OLFM3: variants seen among roughly 807,000 people sequenced by gnomAD.
The protein encoded by OLFM3 is olfactomedin 3.
A neutral mutation model predicts 48.6 loss-of-function variants in OLFM3; 20 were observed. That is an observed-to-expected ratio of 0.41 (90% CI 0.29 to 0.60). The LOEUF is 0.60. Ranked by LOEUF, OLFM3 falls within the 20% of genes least tolerant of loss-of-function variation. The pLI is 0.28. For synonymous variants in OLFM3, 222 were observed against 198.1 expected, an observed-to-expected ratio of 1.12 and a Z score of -1.01; for missense variants, 437 against 544.3, an observed-to-expected ratio of 0.80 and a Z score of 1.96.
intron 1 of OLFM3, among the ~76,000 whole-genome samples, chr1:101,994,567 AT>A: frequency 6.7e-6 from 1 of 148,986 alleles, no homozygotes; most frequent in Non-Finnish European, 1.5e-5. Flanking sequence ...GCCATCTGTA[AT>A]TTTTTGGGGG....
intron 1 of OLFM3, among the ~76,000 whole-genome samples, chr1:101,876,947 C>A (rs552453538): frequency 6.6e-6 from 1 of 151,964 alleles, no homozygotes; most frequent in Admixed American, 6.6e-5. Flanking sequence ...AGGTGTCTGA[C>A]TTGGGTTATA....
At chr1:101,879,842 C>A (rs940354768) in intron 1 of OLFM3, among the ~76,000 whole-genome samples, 8 of 151,640 alleles carry the variant, frequency 5.3e-5, no homozygotes, top group African/African-American at 1.9e-4. Context: ...CTGTAAGAGG[C>A]CAAATAACAC....
intron 1 of OLFM3, among the ~76,000 whole-genome samples, chr1:101,903,677 T>G (rs1658461919): frequency 6.6e-6 from 1 of 152,096 alleles, no homozygotes; most frequent in African/African-American, 2.4e-5. Context: ...AATCTATGTT[T>G]CCTGCATGTC....
intron 1 of OLFM3, among the ~76,000 whole-genome samples, chr1:101,923,058 A>C (rs751035966): frequency 2.6e-5 from 4 of 152,200 alleles, no homozygotes; most frequent in Non-Finnish European, 5.9e-5. Flanking sequence ...AGGCAGTCTG[A>C]CTACAGGGCC....
chr1:101,907,540 C>T (rs1658594262), intron 1 of OLFM3, among the ~76,000 whole-genome samples: 3 of 152,148 alleles, frequency 2.0e-5, no homozygotes, highest in Admixed American at 6.5e-5. Flanking sequence ...GCAGAAGCGA[C>T]CCAGGACACC....
rs181312133 is a variant in OLFM3 at position 101,812,708 on chromosome 1, T to C, written c.593-6526A>G. ...GGATACTGCTGAGTCTTAGGTTGTT[T>C]CGGCCAAAACTTAGGACAGAATTTG... On this transcript the variant is annotated intron_variant, in intron 4 of 5. Transcript: ENST00000370103. 4.1e-6 allele frequency: 4 copies of C among 986,794 alleles called. No individual in the cohort carries two copies. In the East Asian group the frequency reaches 4.5e-4, roughly 112 times the overall value. 61.1% of individuals were successfully genotyped at this position (986,794 alleles called of 1,614,324 possible). A position where few individuals can be genotyped will look rare whatever the true frequency, so the allele number is the denominator to read the frequency against.
At chr1:101,929,513 G>T (rs753985007) in intron 1 of OLFM3, among the ~76,000 whole-genome samples, 1 of 151,928 alleles carries the variant, frequency 6.6e-6, no homozygotes, top group Non-Finnish European at 1.5e-5. Flanking sequence ...TATCTCTCGG[G>T]CTCCAGGAGT....
chr1:101,954,553 A>C lies in OLFM3; in HGVS notation c.69+42195T>G, dbSNP rs184277258. Among the ~76,000 whole-genome samples, 207 of 152,204 alleles carry C rather than the reference A, an allele frequency of 1.4e-3. 2 individuals are homozygous for C. The highest frequency in any genetic ancestry group is 1.5e-4 in the Non-Finnish European group (10 of 67,944). On this transcript the variant is annotated intron_variant, in intron 1 of 5. Transcript: ENST00000370103. ...TTGATAATTTCATAGCTCTTCTAAGAGGTGTACTCACCTTGAGTGTCAATA... is the reference window on the plus strand; with the variant it reads ...TTGATAATTTCATAGCTCTTCTAAGCGGTGTACTCACCTTGAGTGTCAATA...
chr1:101,913,434 A>G, intron 1 of OLFM3, among the ~76,000 whole-genome samples: 1 of 152,196 alleles, frequency 6.6e-6, no homozygotes, highest in East Asian at 1.9e-4. Context: ...TAAAGCTTGG[A>G]CTGAAATAAA....
chr1:101,875,931 T>C (rs1657281762), intron 1 of OLFM3, among the ~76,000 whole-genome samples: 1 of 152,044 alleles, frequency 6.6e-6, no homozygotes, highest in African/African-American at 2.4e-5. Context: ...AAGAACAATT[T>C]GCACAAAAAA....
rs116824464 is a variant in OLFM3, at chr1:101,836,062, G to T, written c.216+817C>A. ...GTGATCATGAAAATGACATCACACAGAGTCAATTGTTAAGCATGATGTCCT... is the reference window on the plus strand; with the variant it reads ...GTGATCATGAAAATGACATCACACATAGTCAATTGTTAAGCATGATGTCCT... On this transcript the variant is annotated intron_variant, in intron 2 of 5. Transcript: ENST00000370103. 3.9e-3 allele frequency among the ~76,000 whole-genome samples: 591 copies of T among 152,286 alleles called. 3 individuals carry two copies. Among genetic ancestry groups the T allele is most frequent in the African/African-American group, 0.014 (567 of 41,544 alleles).
intron 1 of OLFM3, among the ~76,000 whole-genome samples, chr1:101,866,176 A>C (rs1656848459): frequency 6.6e-6 from 1 of 152,194 alleles, no homozygotes; most frequent in African/African-American, 2.4e-5. Flanking sequence ...AGGAAACACT[A>C]TGTTTAGTAA....
At chr1:101,806,536 G>T (rs151033013) in intron 4 of OLFM3, among the ~76,000 whole-genome samples, 1 of 151,754 alleles carries the variant, frequency 6.6e-6, no homozygotes, top group African/African-American at 2.4e-5. Context: ...CCATAGACCT[G>T]TTTAGTTGAT....
At chr1:101,818,961 A>G (rs1489139325) in intron 4 of OLFM3, among the ~76,000 whole-genome samples, 1 of 152,132 alleles carries the variant, frequency 6.6e-6, no homozygotes, top group African/African-American at 2.4e-5. Context: ...CTAGAACAAG[A>G]CATTGATTCT....
chr1:101,876,359 G>A (rs2100983621), intron 1 of OLFM3, among the ~76,000 whole-genome samples: 1 of 152,030 alleles, frequency 6.6e-6, no homozygotes, highest in South Asian at 2.1e-4. Context: ...AAGTCCAAAA[G>A]TGCCTAGGCA....
chr1:101,947,387 G>A (rs754909385), intron 1 of OLFM3, among the ~76,000 whole-genome samples: 4 of 152,228 alleles, frequency 2.6e-5, no homozygotes, highest in Admixed American at 6.5e-5. Context: ...GTATATACAA[G>A]CAAAGTTCAA....
In OLFM3 at chr1:101,836,875, C is replaced by A; in HGVS notation, c.216+4G>T. ...AATATGCATAGGGGACACAGGACAC[C>A]TACCTTTTCCAGTAGTTGGCGAAGT... is the stretch of plus-strand genomic sequence containing the variant. On this transcript the variant is annotated splice_donor_region_variant and intron_variant, in intron 2 of 5. Transcript: ENST00000370103. 1 of 1,614,020 alleles carries A rather than the reference C, an allele frequency of 6.2e-7. No individual in the cohort carries two copies.
chr1:101,845,768 GTGT>G (rs1183322190), intron 1 of OLFM3, among the ~76,000 whole-genome samples: 1 of 152,210 alleles, frequency 6.6e-6, no homozygotes, highest in Non-Finnish European at 1.5e-5. Flanking sequence ...GCAGGTCAAA[GTGT>G]GGCTTGTATG....
chr1:101,876,111 G>T (rs1657289508), intron 1 of OLFM3, among the ~76,000 whole-genome samples: 1 of 151,950 alleles, frequency 6.6e-6, no homozygotes. Flanking sequence ...CCTTAGATCA[G>T]CAATTCCTAA....
Sources: gnomAD v4.1 joint callset for allele counts (sites outside exome capture counted in the v4.1 genomes callset) on GRCh38, gnomAD v4.1.1 for gene constraint, MANE v1.5 for transcripts, NCBI Gene and HGNC (gene_info 2026-07-23, HGNC 2026-07-21) for gene names.